Variants in CDC16 observed in about 807,000 individuals in gnomAD.
CDC16 encodes cell division cycle 16.
A neutral mutation model predicts 87.0 loss-of-function variants in CDC16; 34 were observed. The observed-to-expected ratio is 0.39, with a 90% CI of 0.30 to 0.52. CDC16 has a LOEUF of 0.52. CDC16 is among the 20% of genes least tolerant of loss of function. The pLI, the probability that CDC16 is intolerant of heterozygous loss-of-function variation, is 0.74. For missense variants in CDC16, 653 were observed against 751.9 expected (o/e 0.87, Z 1.54); for synonymous variants, 263 against 260.6 (o/e 1.01, Z -0.09).
At chr13:114,251,226 G>A (rs571218742) in intron 12 of CDC16, among the ~76,000 whole-genome samples, 66 of 152,292 alleles carry the variant, frequency 4.3e-4, no homozygotes, top group African/African-American at 1.5e-3. Context: ...CCTGCCTGGA[G>A]AGGTAGTGGG....
chr13:114,239,430 C>T lies in CDC16; in HGVS notation c.321C>T (p.Tyr107=), dbSNP rs759657301. The T allele has an allele frequency of 2.5e-6, 4 of 1,613,320 alleles. No individual in the cohort carries two copies. The highest frequency in any genetic ancestry group is 3.4e-6 in the Non-Finnish European group (4 of 1,179,410). Residue 107 remains tyrosine, a synonymous_variant, in exon 5 of 18, where the codon TAC becomes TAT. Transcript: ENST00000356221. ...TCAATAAAAGATTATTTGAAAAATACTTGAAGGACGAAAGTGGCTTCAAAG... is the reference window on the plus strand; with the variant it reads ...TCAATAAAAGATTATTTGAAAAATATTTGAAGGACGAAAGTGGCTTCAAAG... The part of the protein sequence containing the change: ...EPINKRLFEK[Y]LKDESGFKDP...
chr13:114,237,745 T>C (rs2081326285), intron 3 of CDC16, among the ~76,000 whole-genome samples: 1 of 152,216 alleles, frequency 6.6e-6, no homozygotes, highest in African/African-American at 2.4e-5. Flanking sequence ...CACTCGTACG[T>C]GTCAGGCCTT....
At chr13:114,262,048 T>C in intron 15 of CDC16, 100 bp downstream of exon 15, 1 of 638,504 alleles carries the variant, frequency 1.6e-6, no homozygotes, top group South Asian at 2.4e-5. Flanking sequence ...ATCAACCAGC[T>C]TTCTTGTACT....
chr13:114,260,064 C>G (rs1177638830), intron 14 of CDC16, among the ~76,000 whole-genome samples: 1 of 152,154 alleles, frequency 6.6e-6, no homozygotes, highest in African/African-American at 2.4e-5. Context: ...CTGTTTCATT[C>G]GTGCCTGTTT....
At chr13:114,237,113 T>A (rs2081292490) in intron 3 of CDC16, among the ~76,000 whole-genome samples, 1 of 151,706 alleles carries the variant, frequency 6.6e-6, no homozygotes, top group South Asian at 2.1e-4. Flanking sequence ...TAATCCCAGC[T>A]ACTCGGGAGG....
At chr13:114,270,894 A>C (rs9562185) in intron 17 of CDC16, among the ~76,000 whole-genome samples, 7,528 of 144,602 alleles carry the variant, frequency 0.052, 493 homozygotes, top group East Asian at 0.35. Flanking sequence ...TGTCTCCTTG[A>C]CCTCGCAGAA....
intron 17 of CDC16, among the ~76,000 whole-genome samples, chr13:114,266,262 C>G (rs1254983406): frequency 6.6e-6 from 1 of 152,178 alleles, no homozygotes; most frequent in Non-Finnish European, 1.5e-5. Flanking sequence ...GAGGTTTCTC[C>G]TAAAACGGGG....
At chr13:114,237,397 C>T (rs2081309437) in intron 3 of CDC16, among the ~76,000 whole-genome samples, 1 of 152,050 alleles carries the variant, frequency 6.6e-6, no homozygotes, top group Non-Finnish European at 1.5e-5. Flanking sequence ...TCAAGTGATC[C>T]TTCTGCCTCA....
chr13:114,235,045 CT>C lies in CDC16; in HGVS notation c.-39del. The C allele has an allele frequency of 8.0e-7, 1 of 1,246,596 alleles. No homozygotes were observed. Among genetic ancestry groups the C allele is most frequent in the Non-Finnish European group, 1.0e-6 (1 of 996,070 alleles). The allele number at this position is 1,246,596 out of a possible 1,614,324, so 77.2% of individuals were successfully genotyped here. On this transcript the variant is annotated 5_prime_UTR_variant, in exon 1 of 18. Coordinates refer to ENST00000356221, the MANE Select transcript of CDC16 (RefSeq NM_001078645.3). ...TGCTTAGGGTGCAGGAGGCGCGCGC[CT>C]AGCGGCGGAGTGTGGCGTGAGGCCG...
chr13:114,250,743 A>C (rs1210532469), intron 12 of CDC16, 69 bp downstream of exon 12: 1 of 1,467,402 alleles, frequency 6.8e-7, no homozygotes, highest in African/African-American at 1.4e-5. Flanking sequence ...AATTTCTATT[A>C]CTATTACTGC....
In CDC16 at chr13:114,239,011, C is replaced by G; in HGVS notation, c.223C>G (p.Leu75Val). Residue 75 changes from leucine (L) to valine (V), a missense_variant, in exon 4 of 18, where the codon CTT (leucine) becomes GTT (valine). Physicochemically the swap from Leu to Val is conservative, Grantham distance 32. Transcript: ENST00000356221. ...CTAGTTGTATGAAGCATGTCGTTAC[C>G]TTGCAGCTAGGTGCCATGTAAGTAT... ...LDKLYEACRYLAARCHYAAKE... is the reference protein window; with the variant it reads ...LDKLYEACRYVAARCHYAAKE... The G allele has an allele frequency of 6.2e-7, 1 of 1,611,634 alleles. No individual in the cohort carries two copies. The highest frequency in any genetic ancestry group is 8.5e-7 in the Non-Finnish European group (1 of 1,178,560).
In CDC16 at chr13:114,236,842, G is replaced by GAC; in HGVS notation, c.149_150dup (p.Ala51GlnfsTer59). 1 of 1,611,390 alleles carries GAC rather than the reference G, an allele frequency of 6.2e-7. No homozygotes were observed. The highest frequency in any genetic ancestry group is 8.5e-7 in the Non-Finnish European group (1 of 1,179,100). ...ATTGGTTGGCTCAGTGTCTTTACCT[G>GAC]ACAGCACAATATCACAGAGCCGCCC... On this transcript the variant is annotated frameshift_variant, in exon 3 of 18. Coordinates refer to ENST00000356221, the MANE Select transcript of CDC16 (RefSeq NM_001078645.3). LOFTEE classifies it high-confidence loss of function.
At chr13:114,256,559 G>A (rs1026957520) in intron 12 of CDC16, among the ~76,000 whole-genome samples, 3 of 152,220 alleles carry the variant, frequency 2.0e-5, no homozygotes, top group Non-Finnish European at 4.4e-5. Flanking sequence ...AACTGTCTCA[G>A]AAGGTGGGAA....
At chr13:114,244,694 C>T in intron 8 of CDC16, 196 bp from the exon 9 acceptor site, 1 of 391,838 alleles carries the variant, frequency 2.6e-6, no homozygotes, top group Non-Finnish European at 4.6e-6. Context: ...TCAAATAAAC[C>T]AGAATTTTTT....
At chr13:114,252,159 C>T (rs2082227097) in intron 12 of CDC16, among the ~76,000 whole-genome samples, 1 of 149,968 alleles carries the variant, frequency 6.7e-6, no homozygotes, top group South Asian at 2.1e-4. Context: ...AAGAGCCCTA[C>T]ACTAGCCCTG....
intron 12 of CDC16, among the ~76,000 whole-genome samples, chr13:114,254,557 C>G (rs2082384432): frequency 6.6e-6 from 1 of 152,114 alleles, no homozygotes; most frequent in Non-Finnish European, 1.5e-5. Context: ...ATACATCTTA[C>G]ACATTATAAG....
chr13:114,237,054 A>G (rs1454023381), intron 3 of CDC16, among the ~76,000 whole-genome samples, 158 bp downstream of exon 3: 3 of 152,212 alleles, frequency 2.0e-5, no homozygotes, highest in African/African-American at 7.2e-5. Context: ...GTGAAACCCC[A>G]TCTCCGCTAA....
chr13:114,263,685 ACG>A (rs1454934827), intron 16 of CDC16, among the ~76,000 whole-genome samples: 2 of 152,240 alleles, frequency 1.3e-5, no homozygotes, highest in Non-Finnish European at 2.9e-5. Flanking sequence ...GCTAGCACAC[ACG>A]CCCAGTTCCT....
rs1566657008 is a variant in CDC16, at chr13:114,250,692, C to T, written c.1097+18C>T. On this transcript the variant is annotated intron_variant, in intron 12 of 17. Coordinates refer to ENST00000356221, the MANE Select transcript of CDC16 (RefSeq NM_001078645.3). Reference sequence around the variant, plus strand: ...ATGAAAGGGTACGGCAGAGCAAACTCATCAAACTCCATGAAGGGATGTTTT... The same window carrying T: ...ATGAAAGGGTACGGCAGAGCAAACTTATCAAACTCCATGAAGGGATGTTTT... The T allele has an allele frequency of 1.9e-6, 3 of 1,612,136 alleles. No individual in the cohort carries two copies. The highest frequency in any genetic ancestry group is 2.5e-6 in the Non-Finnish European group (3 of 1,178,934).
Sources: gnomAD v4.1 joint callset for allele counts (sites outside exome capture counted in the v4.1 genomes callset) on GRCh38, gnomAD v4.1.1 for gene constraint, MANE v1.5 for transcripts, NCBI Gene and HGNC (gene_info 2026-07-23, HGNC 2026-07-21) for gene names.